Variants in MARK1 observed in about 807,000 individuals in gnomAD.
The protein encoded by MARK1 is serine/threonine-protein kinase MARK1.
Under a neutral mutation model 96.3 loss-of-function variants are expected in MARK1, and 40 were observed. That is an observed-to-expected ratio of 0.42 (90% confidence interval 0.32 to 0.54). MARK1 has a LOEUF of 0.54. MARK1 is among the 20% of genes least tolerant of loss of function. The probability of loss-of-function intolerance (pLI) is 0.16; values close to 1 mark genes in which losing one functional copy is unlikely to be tolerated. For missense variants in MARK1, 719 were observed against 984.6 expected, an observed-to-expected ratio of 0.73 and a Z score of 3.61; for synonymous variants, 317 against 341.2, an observed-to-expected ratio of 0.93 and a Z score of 0.78.
intron 3 of MARK1, among the ~76,000 whole-genome samples, chr1:220,585,980 C>T (rs181838752): frequency 5.8e-3 from 611 of 106,164 alleles, no homozygotes; most frequent in Non-Finnish European, 9.2e-3. Context: ...ACTTTACATA[C>T]GTATACACAC....
At chr1:220,603,473 G>T (rs1053392239) in intron 5 of MARK1, among the ~76,000 whole-genome samples, 1 of 152,048 alleles carries the variant, frequency 6.6e-6, no homozygotes, top group Non-Finnish European at 1.5e-5. Flanking sequence ...TTCAGCTGGG[G>T]TATTAGAGAT....
intron 1 of MARK1, among the ~76,000 whole-genome samples, chr1:220,546,844 C>T (rs1267359663): frequency 8.6e-5 from 13 of 151,998 alleles, no homozygotes; most frequent in Admixed American, 5.2e-4. Context: ...TGGCGGCGTG[C>T]GCCTGTAGTC....
At chr1:220,650,866 A>G (rs1668836000) in intron 14 of MARK1, 146 bp downstream of exon 14, 1 of 563,180 alleles carries the variant, frequency 1.8e-6, no homozygotes. Flanking sequence ...TTAGTAAGAC[A>G]TCTTTCCTGT....
intron 13 of MARK1, among the ~76,000 whole-genome samples, chr1:220,641,987 T>C (rs1042227192): frequency 6.6e-6 from 1 of 152,218 alleles, no homozygotes; most frequent in Admixed American, 6.5e-5. Flanking sequence ...GGCAGACCCA[T>C]GGCAGCTGCC....
intron 1 of MARK1, among the ~76,000 whole-genome samples, chr1:220,532,309 G>C (rs1483005374): frequency 1.3e-5 from 2 of 152,188 alleles, no homozygotes; most frequent in Non-Finnish European, 2.9e-5. Flanking sequence ...GAAGAAGCGA[G>C]AGGAAAGCAT....
intron 1 of MARK1, among the ~76,000 whole-genome samples, chr1:220,554,933 T>C (rs1483366130): frequency 6.6e-6 from 1 of 152,218 alleles, no homozygotes; most frequent in Non-Finnish European, 1.5e-5. Flanking sequence ...GGTTTACTAT[T>C]TTGGTAAGCC....
intron 16 of MARK1, among the ~76,000 whole-genome samples, chr1:220,656,827 ATTAG>A (rs973378951): frequency 3.9e-5 from 6 of 152,134 alleles, no homozygotes; most frequent in African/African-American, 1.4e-4. Context: ...AAAGGCATGT[ATTAG>A]TTAAAGACCC....
At chr1:220,563,218 T>A (rs1335149961) in intron 1 of MARK1, among the ~76,000 whole-genome samples, 1 of 152,172 alleles carries the variant, frequency 6.6e-6, no homozygotes, top group Non-Finnish European at 1.5e-5. Context: ...TAATTCTTGA[T>A]TTTGGCAAAT....
At position 220,599,902 on chromosome 1, in the gene MARK1, A is replaced by G. The variant is rs750427196; in HGVS notation, c.424+39A>G. On this transcript the variant is annotated intron_variant, in intron 5 of 17. Coordinates refer to ENST00000366917, the MANE Select transcript of MARK1 (RefSeq NM_018650.5). The stretch of plus-strand genomic sequence containing the variant: ...TGATTGAAAAGTTCTCTTTGCTGAG[A>G]CATACAGAAATGTTAACACCTAAGA... The G allele has an allele frequency of 2.1e-6, 3 of 1,401,842 alleles. No homozygotes were observed. In the South Asian group the frequency reaches 3.7e-5, roughly 17 times the overall value. The allele number at this position is 1,401,842 out of a possible 1,614,324, so 86.8% of individuals were successfully genotyped here. A position where few individuals can be genotyped will look rare whatever the true frequency, so the allele number is the denominator to read the frequency against.
In MARK1 at chr1:220,599,862, G is replaced by A. The variant is rs1339093908; in HGVS notation, c.423G>A (p.Gly141=). The change falls in exon 5 of 18, where the codon GGG becomes GGA. Residue 141 remains glycine (G), a splice_region_variant and synonymous_variant. Transcript: ENST00000366917. ...TLYLVMEYAS[G]GEVFDYLVAH... ...ATTTAGTCATGGAATACGCGAGTGGGGGTAAGAATGAGGGTGATTGAAAAG... is the reference window on the plus strand; with the variant it reads ...ATTTAGTCATGGAATACGCGAGTGGAGGTAAGAATGAGGGTGATTGAAAAG... The A allele has an allele frequency of 3.7e-6, 6 of 1,603,148 alleles. No individual in the cohort carries two copies. The highest frequency in any genetic ancestry group is 1.7e-5 in the Admixed American group (1 of 58,914).
intron 13 of MARK1, among the ~76,000 whole-genome samples, chr1:220,642,816 A>C (rs1668357999): frequency 6.6e-6 from 1 of 152,186 alleles, no homozygotes; most frequent in African/African-American, 2.4e-5. Context: ...GGTGATACCC[A>C]GGCAAACGGT....
At chr1:220,633,182 C>G (rs1347964840) in intron 11 of MARK1, among the ~76,000 whole-genome samples, 1 of 152,162 alleles carries the variant, frequency 6.6e-6, no homozygotes. Context: ...CTTCCTGACT[C>G]AAATACCTCC....
chr1:220,545,659 G>C (rs980818459), intron 1 of MARK1, among the ~76,000 whole-genome samples: 2 of 151,882 alleles, frequency 1.3e-5, no homozygotes, highest in Non-Finnish European at 2.9e-5. Context: ...GGCTGGTTTC[G>C]AACTCTTGGG....
At chr1:220,615,313 C>T (rs1336401750) in intron 6 of MARK1, among the ~76,000 whole-genome samples, 2 of 152,150 alleles carry the variant, frequency 1.3e-5, no homozygotes, top group African/African-American at 4.8e-5. Flanking sequence ...TAGAATACTT[C>T]ACCTGACTGA....
chr1:220,547,501 A>G (rs1389876550), intron 1 of MARK1, among the ~76,000 whole-genome samples: 1 of 152,156 alleles, frequency 6.6e-6, no homozygotes, highest in Non-Finnish European at 1.5e-5. Context: ...GCCAGAATTG[A>G]GTATTTATCA....
chr1:220,579,690 C>T (rs1660247446), intron 2 of MARK1, 133 bp downstream of exon 2: 1 of 663,160 alleles, frequency 1.5e-6, no homozygotes, highest in South Asian at 1.9e-5. Flanking sequence ...GTGAATGGAA[C>T]ATTAGTAGGC....
intron 13 of MARK1, among the ~76,000 whole-genome samples, chr1:220,641,805 C>T (rs1351215225): frequency 6.6e-6 from 1 of 152,148 alleles, no homozygotes; most frequent in African/African-American, 2.4e-5. Flanking sequence ...GCGGTTCACC[C>T]AGGAGCTGCA....
chr1:220,542,022 C>T (rs914950818), intron 1 of MARK1, among the ~76,000 whole-genome samples: 7 of 152,116 alleles, frequency 4.6e-5, no homozygotes, highest in African/African-American at 1.7e-4. Context: ...CTAGTGTAAG[C>T]TGGGTTCTAT....
chr1:220,528,808 C>G lies in MARK1; in HGVS notation c.-15C>G. 3.2e-6 allele frequency: 5 copies of G among 1,551,032 alleles called. No individual in the cohort carries two copies. Among genetic ancestry groups the G allele is most frequent in the Non-Finnish European group, 4.4e-6 (5 of 1,147,342 alleles). On this transcript the variant is annotated 5_prime_UTR_variant, in exon 1 of 18. Transcript: ENST00000366917. ...GGCCGGCGAGACCCCGGCCAGACCC[C>G]GCTGCCCGCACAAAATGTCGGCCCG... is the stretch of plus-strand genomic sequence containing the variant.
Sources: allele counts gnomAD v4.1 joint callset (sites outside exome capture counted in the v4.1 genomes callset), GRCh38; gene constraint gnomAD v4.1.1; transcripts MANE v1.5; gene names NCBI Gene and HGNC (gene_info 2026-07-23, HGNC 2026-07-21).